The following PLEKHM2 variants were observed in gnomAD, a reference collection of about 807,000 sequenced individuals.
PLEKHM2 encodes pleckstrin homology and RUN domain containing M2, also known as pleckstrin homology domain-containing family M member 2.
A neutral mutation model predicts 116.3 loss-of-function variants in PLEKHM2; 77 were observed. The ratio of observed to expected loss-of-function variants is 0.66; its 90% CI spans 0.55 to 0.80. The LOEUF is 0.80. PLEKHM2 is among the 30% of genes least tolerant of loss of function. The probability of loss-of-function intolerance (pLI) is 0.00; values close to 1 mark genes in which losing one functional copy is unlikely to be tolerated. For missense variants in PLEKHM2, 1,183 were observed against 1,354.9 expected (o/e 0.87, Z 1.99); for synonymous variants, 562 against 571.0 (o/e 0.98, Z 0.22).
chr1:15,681,756 A>C (rs1255345461), upstream of PLEKHM2, among the ~76,000 whole-genome samples: 1 of 152,184 alleles, frequency 6.6e-6, no homozygotes, highest in Non-Finnish European at 1.5e-5. Flanking sequence ...CCTCATTCAA[A>C]GTAATGTGTC....
At chr1:15,699,728 G>A (rs1276735526) in intron 1 of PLEKHM2, among the ~76,000 whole-genome samples, 1 of 152,124 alleles carries the variant, frequency 6.6e-6, no homozygotes, top group African/African-American at 2.4e-5. Context: ...ATGATGATAA[G>A]GTGGGAGGAT....
At position 15,725,753 on chromosome 1, in the gene PLEKHM2, C is replaced by T. The variant is rs535083831; in HGVS notation, c.941+208C>T. On this transcript the variant is annotated intron_variant, in intron 8 of 19. Transcript: ENST00000375799. Reference sequence around the variant, plus strand: ...CAGCTCGGCTGCTGGAACAAAGCACCGCAGACAGGCGGCTTCCACAACAGA... The same window carrying T: ...CAGCTCGGCTGCTGGAACAAAGCACTGCAGACAGGCGGCTTCCACAACAGA... 52 of 580,608 alleles carry T rather than the reference C, an allele frequency of 9.0e-5. No individual in the cohort carries two copies. The South Asian group carries it at 1.0e-3, about 12-fold the overall frequency. The allele number at this position is 580,608 out of a possible 1,614,324, so 36.0% of individuals were successfully genotyped here. A position where few individuals can be genotyped will look rare whatever the true frequency, so the allele number is the denominator to read the frequency against.
chr1:15,712,384 C>G (rs35699044), intron 1 of PLEKHM2, among the ~76,000 whole-genome samples: 34,013 of 152,044 alleles, frequency 0.22, 4,343 homozygotes, highest in African/African-American at 0.34. Flanking sequence ...TTCTAGACGG[C>G]CAGGTGGCAG....
chr1:15,715,355 A>G (rs1272545131), intron 1 of PLEKHM2, among the ~76,000 whole-genome samples: 1 of 152,202 alleles, frequency 6.6e-6, no homozygotes, highest in Admixed American at 6.5e-5. Flanking sequence ...GTCTCAAAAC[A>G]AACAGGCCGG....
In PLEKHM2 at chr1:15,721,648, G is replaced by A. The variant is rs2067998817; in HGVS notation, c.712+260G>A. ...GTCACTAAGTGGCTGCATTTCGGGGGATACAGGGTCACCCTTCCTGATTCC... is the reference window on the plus strand; with the variant it reads ...GTCACTAAGTGGCTGCATTTCGGGGAATACAGGGTCACCCTTCCTGATTCC... On this transcript the variant is annotated intron_variant, in intron 7 of 19. Transcript: ENST00000375799. The surrounding 1 kb of genome is among the most constrained non-coding windows in gnomAD (Gnocchi z 5.1). 2.0e-5 allele frequency among the ~76,000 whole-genome samples: 3 copies of A among 152,092 alleles called. No individual in the cohort carries two copies. In the South Asian group the frequency reaches 6.2e-4, roughly 32 times the overall value.
chr1:15,710,241 A>AG (rs1641305540), intron 1 of PLEKHM2, among the ~76,000 whole-genome samples: 1 of 151,966 alleles, frequency 6.6e-6, no homozygotes, highest in Admixed American at 6.6e-5. Context: ...AAAAAAAAAA[A>AG]AAAATTCTGG....
At chr1:15,716,610 A>T (rs1187885542) in intron 2 of PLEKHM2, 97 bp from the exon 3 acceptor site, 4 of 1,279,016 alleles carry the variant, frequency 3.1e-6, no homozygotes, top group Non-Finnish European at 4.4e-6. Flanking sequence ...CTGGGGATCC[A>T]TCACTTCCTG....
intron 14 of PLEKHM2, among the ~76,000 whole-genome samples, 190 bp downstream of exon 14, chr1:15,730,119 C>T (rs868767078): frequency 7.9e-5 from 12 of 152,338 alleles, no homozygotes; most frequent in South Asian, 2.1e-4. Flanking sequence ...TGTCCACCTT[C>T]CTACCTGGGG....
At position 15,732,240 on chromosome 1, in the gene PLEKHM2, G is replaced by C. The variant is rs542212302; in HGVS notation, c.2626-110G>C. The C allele has an allele frequency of 4.8e-6, 5 of 1,035,378 alleles. No individual in the cohort carries two copies. In the South Asian group the frequency reaches 8.0e-5, roughly 16 times the overall value. 64.1% of individuals were successfully genotyped at this position (1,035,378 alleles called of 1,614,324 possible). A position where few individuals can be genotyped will look rare whatever the true frequency, so the allele number is the denominator to read the frequency against. On this transcript the variant is annotated intron_variant, in intron 17 of 19. Coordinates refer to ENST00000375799, the MANE Select transcript of PLEKHM2 (RefSeq NM_015164.4). ...CGCCTCTGCTCCCGATCCCTGGAGG[G>C]AGATCCCTGGAGGGAGAGCAGAAGG...
intron 1 of PLEKHM2, among the ~76,000 whole-genome samples, chr1:15,688,075 C>T (rs1315725464): frequency 2.0e-5 from 3 of 152,204 alleles, no homozygotes; most frequent in Non-Finnish European, 4.4e-5. Context: ...GCATATCCAG[C>T]ACCCTGACCA....
intron 1 of PLEKHM2, among the ~76,000 whole-genome samples, chr1:15,714,327 G>A (rs1571047920): frequency 7.8e-6 from 1 of 127,942 alleles, no homozygotes; most frequent in African/African-American, 3.1e-5. Flanking sequence ...TCTGATCTCA[G>A]ATTTACTCAG....
At position 15,728,104 on chromosome 1, in the gene PLEKHM2, C is replaced by T; in HGVS notation, c.1786C>T (p.Leu596Phe). ...FRVDNNHLLL[L>F]MIHVFRENEE... The stretch of plus-strand genomic sequence containing the variant: ...AGTAGACAACAATCACCTGCTCCTG[C>T]TCATGATCCACGTGTTCCGAGAAAA... Residue 596 changes from leucine to phenylalanine, a missense_variant, in exon 10 of 20, where the codon CTC becomes TTC. Around this residue, in one of 3 missense-constraint regions of PLEKHM2, gnomAD observed 594 missense variants for 720.1 expected, o/e 0.82. Coordinates refer to ENST00000375799, the MANE Select transcript of PLEKHM2 (RefSeq NM_015164.4). This position sits in a 1 kb window ranked among gnomAD's most constrained non-coding sequence, Gnocchi z 5.9. 1 of 1,611,398 alleles carries T rather than the reference C, an allele frequency of 6.2e-7. No individual in the cohort carries two copies. Among genetic ancestry groups the T allele is most frequent in the Non-Finnish European group, 8.5e-7 (1 of 1,178,812 alleles).
Position 15,727,376 on chromosome 1 carries a change from A to G in PLEKHM2, c.1304A>G (p.Gln435Arg). 2 of 1,602,604 alleles carry G rather than the reference A, an allele frequency of 1.2e-6. No individual in the cohort carries two copies. Among genetic ancestry groups the G allele is most frequent in the South Asian group, 1.1e-5 (1 of 89,456 alleles). The change falls in exon 9 of 20, where the codon CAG becomes CGG. Residue 435 changes from glutamine (Q) to arginine (R), a missense_variant. Transcript: ENST00000375799. The surrounding 1 kb of genome is among the most constrained non-coding windows in gnomAD (Gnocchi z 7.5). ...TGCTCCCGTGCTGAGCCCCCAGACCAGTCCTTTCGGACCGGCTCTCCCGGG... is the reference window on the plus strand; with the variant it reads ...TGCTCCCGTGCTGAGCCCCCAGACCGGTCCTTTCGGACCGGCTCTCCCGGG... ...TWCSRAEPPD[Q>R]SFRTGSPGDA...
chr1:15,703,189 C>T (rs1366846253), intron 1 of PLEKHM2, among the ~76,000 whole-genome samples: 1 of 152,178 alleles, frequency 6.6e-6, no homozygotes, highest in Non-Finnish European at 1.5e-5. Flanking sequence ...ACAGGAGAGT[C>T]GAACCTGCCA....
chr1:15,729,092 T>C lies in PLEKHM2; in HGVS notation c.1987-10T>C. On this transcript the variant is annotated splice_polypyrimidine_tract_variant and intron_variant, in intron 12 of 19. Coordinates refer to ENST00000375799, the MANE Select transcript of PLEKHM2 (RefSeq NM_015164.4). The surrounding 1 kb of genome is among the most constrained non-coding windows in gnomAD (Gnocchi z 4.7). Reference sequence around the variant, plus strand: ...GCCCCAAGTGCATGTCACGGTGTGGTTTCTGGCAGGTTGGCCTTGACCAGC... The same window carrying C: ...GCCCCAAGTGCATGTCACGGTGTGGCTTCTGGCAGGTTGGCCTTGACCAGC... 1.9e-6 allele frequency: 3 copies of C among 1,603,782 alleles called. No homozygotes were observed. Among genetic ancestry groups the C allele is most frequent in the Non-Finnish European group, 1.7e-6 (2 of 1,175,322 alleles).
At chr1:15,695,015 C>T (rs968782315) in intron 1 of PLEKHM2, among the ~76,000 whole-genome samples, 1 of 152,186 alleles carries the variant, frequency 6.6e-6, no homozygotes, top group African/African-American at 2.4e-5. Flanking sequence ...GCCTTGGCCT[C>T]CCAAAGTCCT....
At chr1:15,698,549 C>CT (rs564918055) in intron 1 of PLEKHM2, among the ~76,000 whole-genome samples, 2,220 of 111,196 alleles carry the variant, frequency 0.02, 35 homozygotes, top group Middle Eastern at 0.044. Context: ...TTCTTTCTTT[C>CT]TTTTTTTTTT....
intron 1 of PLEKHM2, among the ~76,000 whole-genome samples, chr1:15,707,279 A>C (rs1029506586): frequency 6.6e-6 from 1 of 151,680 alleles, no homozygotes; most frequent in Non-Finnish European, 1.5e-5. Flanking sequence ...CAAAAAAAAA[A>C]AAAATTAGCC....
At chr1:15,726,683 T>C (rs1224194713) in intron 8 of PLEKHM2, among the ~76,000 whole-genome samples, 11 of 152,194 alleles carry the variant, frequency 7.2e-5, no homozygotes, top group Non-Finnish European at 5.9e-5. Flanking sequence ...TGACCAGCCA[T>C]GGCCTGTTTT....
Sources: gnomAD v4.1 joint callset for allele counts (sites outside exome capture counted in the v4.1 genomes callset) on GRCh38, gnomAD v4.1.1 for gene constraint, gnomAD v4.1.1 regional missense constraint, Gnocchi (gnomAD v3.1) non-coding constraint, MANE v1.5 for transcripts, NCBI Gene and HGNC (gene_info 2026-07-23, HGNC 2026-07-21) for gene names.